NPNT: variants seen among roughly 807,000 people sequenced by gnomAD.
NPNT encodes the protein preosteoblast EGF-like repeat protein with MAM domain.
In NPNT, 45 loss-of-function variants were observed where a neutral mutation model predicts 68.6. The observed-to-expected ratio is 0.66, with a 90% CI of 0.52 to 0.84. NPNT has a LOEUF of 0.84. NPNT is among the 40% of genes least tolerant of loss of function. The probability of loss-of-function intolerance (pLI) is 0.00; values close to 1 mark genes in which losing one functional copy is unlikely to be tolerated. For missense variants in NPNT, 672 were observed against 714.8 expected (o/e 0.94, Z 0.68); for synonymous variants, 233 against 253.3 (o/e 0.92, Z 0.76).
Position 105,959,042 on chromosome 4 carries a change from A to G in NPNT, c.1261A>G (p.Ser421Gly). ...TTTCCTTGTAGGTGTTCTGGTACACAGTTGTAATTTTGACCATGGACTTTG... is the reference window on the plus strand; with the variant it reads ...TTTCCTTGTAGGTGTTCTGGTACACGGTTGTAATTTTGACCATGGACTTTG... Reference protein sequence around the residue: ...AKDDPGVLVHSCNFDHGLCGW... With the variant: ...AKDDPGVLVHGCNFDHGLCGW... Residue 421 changes from serine (S) to glycine (G), a missense_variant, in exon 10 of 12, where the codon AGT becomes GGT. Coordinates refer to ENST00000379987, the MANE Select transcript of NPNT (RefSeq NM_001033047.3). 6.2e-7 allele frequency: 1 copy of G among 1,609,512 alleles called. No homozygotes were observed. Among genetic ancestry groups the G allele is most frequent in the Non-Finnish European group, 8.5e-7 (1 of 1,175,866 alleles).
chr4:105,921,062 C>T (rs1460298486), intron 2 of NPNT, among the ~76,000 whole-genome samples: 2 of 152,140 alleles, frequency 1.3e-5, no homozygotes, highest in Non-Finnish European at 2.9e-5. Flanking sequence ...TCTGGCAGAG[C>T]TACTTTAGTT....
chr4:105,931,873 A>G (rs1729141275), intron 3 of NPNT, among the ~76,000 whole-genome samples: 2 of 152,258 alleles, frequency 1.3e-5, no homozygotes, highest in South Asian at 4.1e-4. Context: ...TCAACTCCCA[A>G]AACCAATGTT....
chr4:105,944,504 C>T (rs1730226580), intron 8 of NPNT, among the ~76,000 whole-genome samples: 1 of 152,024 alleles, frequency 6.6e-6, no homozygotes, highest in African/African-American at 2.4e-5. Context: ...CTCTTTATTT[C>T]CAGTATTCCT....
At position 105,906,477 on chromosome 4, in the gene NPNT, G is replaced by A. The variant is rs1309852789; in HGVS notation, c.172+8476G>A. ...AGCTGTTCTATACATAGTTTAAGAA[G>A]CATTATGTGCATAGCTTTCTGACGT... is the stretch of plus-strand genomic sequence containing the variant. On this transcript the variant is annotated intron_variant, in intron 2 of 11. Coordinates refer to ENST00000379987, the MANE Select transcript of NPNT (RefSeq NM_001033047.3). Among the ~76,000 whole-genome samples, 10 of 149,148 alleles carry A rather than the reference G, an allele frequency of 6.7e-5. No homozygotes were observed. In the East Asian group the frequency reaches 1.9e-3, roughly 29 times the overall value.
intron 2 of NPNT, among the ~76,000 whole-genome samples, chr4:105,921,998 A>G (rs1728290716): frequency 6.6e-6 from 1 of 152,132 alleles, no homozygotes; most frequent in Admixed American, 6.5e-5. Context: ...CATAACCTGG[A>G]GGACAAGGTT....
intron 8 of NPNT, among the ~76,000 whole-genome samples, chr4:105,946,139 T>A (rs1730365223): frequency 1.3e-5 from 2 of 152,204 alleles, no homozygotes; most frequent in African/African-American, 4.8e-5. Context: ...TATTATATCT[T>A]CCTATGCCTT....
chr4:105,895,924 C>A, intron 1 of NPNT: 1 of 571,230 alleles, frequency 1.8e-6, no homozygotes, highest in Non-Finnish European at 3.1e-6. Context: ...CGCGCCCTTG[C>A]GAGTCTGGGA....
chr4:105,939,734 A>G (rs561505310), intron 5 of NPNT, among the ~76,000 whole-genome samples: 3 of 152,064 alleles, frequency 2.0e-5, no homozygotes, highest in African/African-American at 7.2e-5. Context: ...ACTTTTTTTT[A>G]GAGGTAGAAT....
Position 105,958,568 on chromosome 4 carries a change from C to G in NPNT, c.1246+11C>G. The G allele has an allele frequency of 7.0e-7, 1 of 1,426,194 alleles. No homozygotes were observed. The highest frequency in any genetic ancestry group is 9.9e-7 in the Non-Finnish European group (1 of 1,013,178). 88.3% of individuals were successfully genotyped at this position (1,426,194 alleles called of 1,614,324 possible). On this transcript the variant is annotated intron_variant, in intron 9 of 11. Transcript: ENST00000379987. ...CAAAGGATGATCCAGGTGACACTTA[C>G]ACTCTTAGTGCCATCATAATGACAT...
At chr4:105,915,100 C>T (rs28557167) in intron 2 of NPNT, among the ~76,000 whole-genome samples, 20,942 of 152,002 alleles carry the variant, frequency 0.14, 3,044 homozygotes, top group African/African-American at 0.37. Context: ...ACAGGAGACA[C>T]GGATATAAGG....
intron 2 of NPNT, among the ~76,000 whole-genome samples, chr4:105,903,341 G>A (rs1726578847): frequency 6.6e-6 from 1 of 152,180 alleles, no homozygotes; most frequent in Non-Finnish European, 1.5e-5. Context: ...ATTCTATGCA[G>A]TGTCTTTCAG....
chr4:105,946,751 A>G (rs972532356), intron 8 of NPNT, among the ~76,000 whole-genome samples: 3 of 152,188 alleles, frequency 2.0e-5, no homozygotes, highest in Non-Finnish European at 2.9e-5. Context: ...GCAAAATCAC[A>G]AACTCCTGAT....
intron 2 of NPNT, among the ~76,000 whole-genome samples, chr4:105,914,822 C>T (rs1196668272): frequency 6.6e-6 from 1 of 152,018 alleles, no homozygotes; most frequent in African/African-American, 2.4e-5. Context: ...ATTCCGAGAA[C>T]TGTTAAGAAT....
intron 2 of NPNT, among the ~76,000 whole-genome samples, chr4:105,923,576 G>A (rs376599798): frequency 2.0e-5 from 3 of 152,108 alleles, no homozygotes; most frequent in African/African-American, 4.8e-5. Flanking sequence ...GTGATTTAGG[G>A]TTAATATTAT....
At position 105,965,025 on chromosome 4, in the gene NPNT, C is replaced by T. The variant is rs1044381088; in HGVS notation, c.1346-2163C>T. ...CATAAGAAAAGTTCAGAAGTCAAAACCTTCACAAATACCTCTAGATTTTGT... is the reference window on the plus strand; with the variant it reads ...CATAAGAAAAGTTCAGAAGTCAAAATCTTCACAAATACCTCTAGATTTTGT... On this transcript the variant is annotated intron_variant, in intron 10 of 11. Coordinates refer to ENST00000379987, the MANE Select transcript of NPNT (RefSeq NM_001033047.3). 2.0e-5 allele frequency among the ~76,000 whole-genome samples: 3 copies of T among 152,082 alleles called. No homozygotes were observed. In the East Asian group the frequency reaches 5.8e-4, roughly 29 times the overall value.
chr4:105,958,476 C>T lies in NPNT; in HGVS notation c.1165C>T (p.Arg389Trp), dbSNP rs201488924. ...QKPRGDVFIP[R>W]QPSNDLFEIF... ...TCAAAACCTTTCTCTTGCAGTTCCA[C>T]GGCAACCTTCAAATGACTTGTTTGA... The change falls in exon 9 of 12, where the codon CGG becomes TGG. Residue 389 changes from arginine to tryptophan, a missense_variant. Transcript: ENST00000379987. 25 of 1,606,532 alleles carry T rather than the reference C, an allele frequency of 1.6e-5. No individual in the cohort carries two copies. Among genetic ancestry groups the T allele is most frequent in the East Asian group, 6.7e-5 (3 of 44,712 alleles).
chr4:105,923,295 T>C (rs1728399836), intron 2 of NPNT, among the ~76,000 whole-genome samples: 1 of 151,770 alleles, frequency 6.6e-6, no homozygotes, highest in African/African-American at 2.4e-5. Context: ...CTAATCTAGT[T>C]ATTTAGATGT....
chr4:105,940,115 A>G lies in NPNT; in HGVS notation c.546A>G (p.Arg182=), dbSNP rs1165110256. The stretch of plus-strand genomic sequence containing the variant: ...CTACAGGAAGAGCCTCCTGCCCTAG[A>G]TTTAGGCAATGTGTCAACACTTTTG... ...ECATGRASCP[R]FRQCVNTFGS... Residue 182 remains arginine (R), a synonymous_variant, in exon 6 of 12, where the codon AGA becomes AGG. Coordinates refer to ENST00000379987, the MANE Select transcript of NPNT (RefSeq NM_001033047.3). 1 of 1,612,716 alleles carries G rather than the reference A, an allele frequency of 6.2e-7. No homozygotes were observed. The highest frequency in any genetic ancestry group is 1.7e-5 in the Admixed American group (1 of 59,954).
chr4:105,908,109 G>C (rs1727065888), intron 2 of NPNT, among the ~76,000 whole-genome samples: 1 of 151,868 alleles, frequency 6.6e-6, no homozygotes, highest in Admixed American at 6.6e-5. Context: ...TGATTTCTTA[G>C]CTTTAGAATA....
Sources: gnomAD v4.1 joint callset for allele counts (sites outside exome capture counted in the v4.1 genomes callset) on GRCh38, gnomAD v4.1.1 for gene constraint, MANE v1.5 for transcripts, NCBI Gene and HGNC (gene_info 2026-07-23, HGNC 2026-07-21) for gene names.